Variants in TOGARAM2 observed in about 807,000 individuals in gnomAD.
The protein encoded by TOGARAM2 is TOG array regulator of axonemal microtubules 2, also known as TOG array regulator of axonemal microtubules protein 2.
In TOGARAM2, 85 loss-of-function variants were observed where a neutral mutation model predicts 93.3. That is an observed-to-expected ratio of 0.91 (90% CI 0.76 to 1.09). The LOEUF (loss-of-function observed/expected upper bound fraction) is 1.09, where lower values mean the gene tolerates loss of function less well. TOGARAM2 is among the 50% of genes least tolerant of loss of function. The pLI is 0.00. For missense variants in TOGARAM2, 1,277 were observed against 1,334.5 expected (o/e 0.96, Z 0.67); for synonymous variants, 593 against 552.8 (o/e 1.07, Z -1.02).
chr2:29,014,884 G>A (rs965470728), intron 8 of TOGARAM2, among the ~76,000 whole-genome samples: 3 of 152,164 alleles, frequency 2.0e-5, no homozygotes, highest in East Asian at 1.9e-4. Context: ...GAAGCCGGAC[G>A]TGGGGAGAGA....
chr2:28,993,193 T>A (rs774786847), intron 1 of TOGARAM2, among the ~76,000 whole-genome samples: 7 of 152,208 alleles, frequency 4.6e-5, no homozygotes, highest in Non-Finnish European at 5.9e-5. Flanking sequence ...GCTATTGTAA[T>A]CTGCAGTTAA....
chr2:28,964,640 C>G (rs755223723), intron 1 of TOGARAM2, among the ~76,000 whole-genome samples: 79 of 151,468 alleles, frequency 5.2e-4, no homozygotes, highest in Non-Finnish European at 6.9e-4. Flanking sequence ...TCCCTCCCCC[C>G]ACCCAACCCC....
At chr2:29,013,020 C>T (rs980362456) in intron 7 of TOGARAM2, among the ~76,000 whole-genome samples, 24 of 152,216 alleles carry the variant, frequency 1.6e-4, no homozygotes, top group African/African-American at 2.4e-4. Flanking sequence ...GAGCTCTGCA[C>T]GGGCCCCAGA....
intron 6 of TOGARAM2, among the ~76,000 whole-genome samples, chr2:29,009,064 G>A (rs865823309): frequency 2.0e-5 from 3 of 152,204 alleles, no homozygotes; most frequent in Non-Finnish European, 2.9e-5. Context: ...GTCACAATCT[G>A]TGTGCTCCAG....
At chr2:28,967,264 C>T (rs1243394380) in intron 1 of TOGARAM2, among the ~76,000 whole-genome samples, 2 of 152,104 alleles carry the variant, frequency 1.3e-5, no homozygotes, top group Non-Finnish European at 1.5e-5. Flanking sequence ...TTCTTGAGCC[C>T]AGGAGTTTGA....
At chr2:29,016,112 T>G (rs1664552121) in intron 8 of TOGARAM2, among the ~76,000 whole-genome samples, 1 of 152,014 alleles carries the variant, frequency 6.6e-6, no homozygotes, top group South Asian at 2.1e-4. Context: ...TCAGAAAACC[T>G]CCTCTCTCCC....
At chr2:29,014,198 G>A (rs1008438988) in intron 7 of TOGARAM2, among the ~76,000 whole-genome samples, 197 bp from the exon 8 acceptor site, 1 of 152,206 alleles carries the variant, frequency 6.6e-6, no homozygotes, top group African/African-American at 2.4e-5. Flanking sequence ...AACGAATGGA[G>A]GGTGATGCTG....
At chr2:28,958,369 G>A (rs908119474) in intron 1 of TOGARAM2, among the ~76,000 whole-genome samples, 3 of 151,090 alleles carry the variant, frequency 2.0e-5, no homozygotes, top group African/African-American at 7.3e-5. Flanking sequence ...GCAGTGGCAT[G>A]ATCATGGCTC....
In TOGARAM2 at chr2:29,017,855, G is replaced by C. The variant is rs752298206; in HGVS notation, c.1259G>C (p.Arg420Thr). Residue 420 changes from arginine (R) to threonine (T), a missense_variant, in exon 10 of 20, where the codon AGA becomes ACA. Coordinates refer to ENST00000379558, the MANE Select transcript of TOGARAM2 (RefSeq NM_199280.4). ...CCCACTAGGCTGAGCGGCCCATGCA[G>C]AAACGACGTCAGCATCATCCTGAGG... Reference protein sequence around the residue: ...SVPTRLSGPCRNDVSIILRKW... With the variant: ...SVPTRLSGPCTNDVSIILRKW... 4.3e-6 allele frequency: 7 copies of C among 1,613,560 alleles called. No individual in the cohort carries two copies. Among genetic ancestry groups the C allele is most frequent in the Non-Finnish European group, 5.9e-6 (7 of 1,179,726 alleles).
chr2:28,990,877 G>A (rs559187405), intron 1 of TOGARAM2, among the ~76,000 whole-genome samples: 5 of 151,910 alleles, frequency 3.3e-5, no homozygotes, highest in South Asian at 4.2e-4. Flanking sequence ...TGTCTCCTCC[G>A]CATGAGAGGC....
intron 18 of TOGARAM2, among the ~76,000 whole-genome samples, chr2:29,044,511 T>C (rs1992810): frequency 0.15 from 22,089 of 152,034 alleles, 2,110 homozygotes; most frequent in East Asian, 0.51. Flanking sequence ...GACTCGGGAC[T>C]GACAGTGCTG....
Position 29,003,557 on chromosome 2 carries a change from C to G in TOGARAM2, c.705C>G (p.Ile235Met), listed in dbSNP as rs558383919. 1 of 1,594,800 alleles carries G rather than the reference C, an allele frequency of 6.3e-7. No homozygotes were observed. Among genetic ancestry groups the G allele is most frequent in the Non-Finnish European group, 8.5e-7 (1 of 1,171,558 alleles). The part of the protein sequence containing the change: ...DEKMQKSLGA[I>M]VIPPIPKART... The stretch of plus-strand genomic sequence containing the variant: ...AGATGCAGAAGTCCCTGGGCGCCAT[C>G]GTGATCCCACCCATCCCAAAGGCCA... Residue 235 changes from isoleucine (I) to methionine (M), a missense_variant, in exon 6 of 20, where the codon ATC (isoleucine) becomes ATG (methionine). By Grantham distance (10) the Ile-to-Met change is conservative. Coordinates refer to ENST00000379558, the MANE Select transcript of TOGARAM2 (RefSeq NM_199280.4).
intron 17 of TOGARAM2, among the ~76,000 whole-genome samples, chr2:29,035,963 TGG>T (rs1195273407): frequency 6.6e-6 from 1 of 152,062 alleles, no homozygotes; most frequent in Non-Finnish European, 1.5e-5. Context: ...GCATCATGTT[TGG>T]GGGCAGAGCA....
At chr2:29,019,243 C>T (rs534814432) in intron 10 of TOGARAM2, among the ~76,000 whole-genome samples, 3 of 141,952 alleles carry the variant, frequency 2.1e-5, no homozygotes, top group East Asian at 2.1e-4. Context: ...TGCAGTGGTG[C>T]GATCTCTGCT....
chr2:28,976,349 C>T (rs187423646), upstream of TOGARAM2, among the ~76,000 whole-genome samples: 789 of 151,818 alleles, frequency 5.2e-3, 7 homozygotes, highest in African/African-American at 0.018. Flanking sequence ...CCAGCCTGGG[C>T]GACAGAGTGA....
chr2:29,015,258 T>C (rs558287081), intron 8 of TOGARAM2, among the ~76,000 whole-genome samples: 1 of 152,122 alleles, frequency 6.6e-6, no homozygotes, highest in East Asian at 1.9e-4. Context: ...ACACAAACAA[T>C]GATTCAGTGC....
chr2:28,959,146 G>A (rs536648019), intron 1 of TOGARAM2, among the ~76,000 whole-genome samples: 25 of 152,258 alleles, frequency 1.6e-4, no homozygotes, highest in African/African-American at 6.0e-4. Flanking sequence ...ACTCCCCACC[G>A]GGCTACAGAT....
At chr2:29,048,427 T>G (rs1214408347) in intron 19 of TOGARAM2, 1 of 152,198 alleles carries the variant, frequency 6.6e-6, no homozygotes, top group Non-Finnish European at 1.5e-5. Flanking sequence ...GTGTCCATGA[T>G]TTTTGCAGTC....
At chr2:28,999,492 C>T in intron 4 of TOGARAM2, 24 bp downstream of exon 4, 1 of 1,556,886 alleles carries the variant, frequency 6.4e-7, no homozygotes, top group Middle Eastern at 1.7e-4. Context: ...CCTGCCCACC[C>T]CTCACCCACC....
Sources: gnomAD v4.1 joint callset for allele counts (sites outside exome capture counted in the v4.1 genomes callset) on GRCh38, gnomAD v4.1.1 for gene constraint, MANE v1.5 for transcripts, NCBI Gene and HGNC (gene_info 2026-07-23, HGNC 2026-07-21) for gene names.